The following CPAP variants were observed in gnomAD, a reference collection of about 807,000 sequenced individuals.
CPAP encodes centrosomal P4.1-associated protein.
chr13:24,910,313 TC>T, the CPAP span, among the ~76,000 whole-genome samples: 2 of 152,368 alleles, frequency 1.3e-5, no homozygotes, highest in East Asian at 3.9e-4. Flanking sequence ...AACCTCCACC[TC>T]TTGGGTTCAA....
the CPAP span, chr13:24,889,037 C>T: frequency 7.0e-6 from 3 of 428,358 alleles, no homozygotes; most frequent in Non-Finnish European, 8.5e-6. Flanking sequence ...GAGCATCATG[C>T]TTGCCCTCAA....
the CPAP span, chr13:24,889,533 A>G: frequency 2.9e-6 from 2 of 688,110 alleles, no homozygotes; most frequent in Non-Finnish European, 5.0e-6. Context: ...CATTTATACA[A>G]CAGGCCAAAG....
At chr13:24,907,301 C>G in the CPAP span, 1 of 900,730 alleles carries the variant, frequency 1.1e-6, no homozygotes, top group African/African-American at 1.7e-5. Context: ...ACTAACTTTT[C>G]CCAAAATCAG....
At chr13:24,905,790 T>G in the CPAP span, 37 of 1,614,076 alleles carry the variant, frequency 2.3e-5, no homozygotes, top group Non-Finnish European at 3.1e-5. Context: ...TCTCTCCTTT[T>G]ATCTTCTTGG....
chr13:24,898,313 A>G, the CPAP span, among the ~76,000 whole-genome samples: 2 of 152,230 alleles, frequency 1.3e-5, no homozygotes, highest in Admixed American at 1.3e-4. Flanking sequence ...GCAAAAAAAG[A>G]GTACAGCGGG....
chr13:24,893,292 T>G, the CPAP span, among the ~76,000 whole-genome samples: 2 of 152,240 alleles, frequency 1.3e-5, no homozygotes, highest in African/African-American at 4.8e-5. Flanking sequence ...CCCTGAAAAC[T>G]ATCTGAAATT....
the CPAP span, chr13:24,906,436 G>A: frequency 5.6e-6 from 9 of 1,613,678 alleles, no homozygotes; most frequent in East Asian, 2.0e-4. Flanking sequence ...CAGCCAGCCG[G>A]CTGGCCGGCC....
At chr13:24,900,359 G>A in the CPAP span, among the ~76,000 whole-genome samples, 1 of 152,224 alleles carries the variant, frequency 6.6e-6, no homozygotes, top group Non-Finnish European at 1.5e-5. Flanking sequence ...GACAGGCCAG[G>A]CACGGTGGCT....
chr13:24,906,546 T>C, the CPAP span: 4 of 1,614,232 alleles, frequency 2.5e-6, no homozygotes, highest in Non-Finnish European at 3.4e-6. Flanking sequence ...TCTTTATTAT[T>C]AGATGTGACT....
At chr13:24,919,489 G>A in the CPAP span, among the ~76,000 whole-genome samples, 18 of 151,462 alleles carry the variant, frequency 1.2e-4, no homozygotes, top group African/African-American at 4.4e-4. Flanking sequence ...GCATGATCAC[G>A]GCTCAGTGGA....
At chr13:24,903,804 T>A in the CPAP span, 1 of 1,120,758 alleles carries the variant, frequency 8.9e-7, no homozygotes, top group Non-Finnish European at 1.4e-6. Context: ...GATACAGATT[T>A]CACCTCCTTT....
the CPAP span, chr13:24,889,485 C>G: frequency 1.1e-6 from 1 of 901,990 alleles, no homozygotes; most frequent in East Asian, 2.4e-5. Context: ...TCAGCTAGTG[C>G]TAAGAATGCT....
the CPAP span, chr13:24,903,978 C>T: frequency 7.4e-6 from 12 of 1,613,874 alleles, no homozygotes; most frequent in Admixed American, 1.7e-5. Flanking sequence ...GCTAAAGATG[C>T]GTTCTCAGCT....
chr13:24,932,745 T>C, the CPAP span, among the ~76,000 whole-genome samples: 5 of 152,258 alleles, frequency 3.3e-5, no homozygotes, highest in Admixed American at 3.3e-4. Context: ...GTCATGTTTT[T>C]ATTAAGATGT....
At chr13:24,905,711 TTA>T in the CPAP span, 14 of 1,613,994 alleles carry the variant, frequency 8.7e-6, no homozygotes, top group South Asian at 1.1e-5. Context: ...CTCAGACACT[TTA>T]TGTTTTATGC....
At chr13:24,894,303 A>T in the CPAP span, among the ~76,000 whole-genome samples, 1 of 152,246 alleles carries the variant, frequency 6.6e-6, no homozygotes, top group Non-Finnish European at 1.5e-5. Flanking sequence ...GCAAGTCATT[A>T]ACCCAGAGGT....
At chr13:24,909,886 T>C in the CPAP span, 16 of 1,614,082 alleles carry the variant, frequency 9.9e-6, no homozygotes, top group Admixed American at 2.5e-4. Context: ...GACGCACGTT[T>C]TGAAGTTAAG....
the CPAP span, among the ~76,000 whole-genome samples, chr13:24,892,373 A>G: frequency 5.3e-5 from 8 of 152,206 alleles, no homozygotes; most frequent in East Asian, 1.9e-4. Context: ...GGTAAAATAG[A>G]TATCACATAA....
chr13:24,897,819 A>T, the CPAP span, among the ~76,000 whole-genome samples: 1 of 152,188 alleles, frequency 6.6e-6, no homozygotes, highest in Non-Finnish European at 1.5e-5. Context: ...AAACGACTGG[A>T]AAATCTGAAT....
Sources: gnomAD v4.1 joint callset for allele counts (sites outside exome capture counted in the v4.1 genomes callset) on GRCh38, gnomAD v4.1.1 for gene constraint, MANE v1.5 for transcripts, NCBI Gene and HGNC (gene_info 2026-07-23, HGNC 2026-07-21) for gene names.